The following CAPS2 variants were observed in gnomAD, a reference collection of about 807,000 sequenced individuals.
CAPS2 encodes the protein calcyphosin-2.
A neutral mutation model predicts 86.5 loss-of-function variants in CAPS2; 98 were observed. The observed-to-expected ratio is 1.13, with a 90% CI of 0.96 to 1.34. The LOEUF (loss-of-function observed/expected upper bound fraction) is 1.34, where lower values mean the gene tolerates loss of function less well. Ranked by LOEUF, CAPS2 falls within the 40% of genes most tolerant of loss-of-function variation. CAPS2 has a pLI of 0.00. For missense variants in CAPS2, 729 were observed against 686.8 expected (o/e 1.06, Z -0.69); for synonymous variants, 210 against 225.1 (o/e 0.93, Z 0.60).
chr12:75,363,202 T>C (rs201262739), intron 1 of CAPS2: 1 of 1,120,980 alleles, frequency 8.9e-7, no homozygotes, highest in South Asian at 2.0e-5. Flanking sequence ...TAAGCAAAAA[T>C]ATATATATAT....
At chr12:75,301,469 C>A (rs2037808349) in intron 8 of CAPS2, among the ~76,000 whole-genome samples, 1 of 152,172 alleles carries the variant, frequency 6.6e-6, no homozygotes, top group Admixed American at 6.5e-5. Flanking sequence ...ATTCTAAATG[C>A]TGAGACAATA....
intron 7 of CAPS2, chr12:75,305,594 C>T: frequency 1.6e-6 from 1 of 625,598 alleles, no homozygotes; most frequent in South Asian, 1.4e-5. Flanking sequence ...GACCCGACCA[C>T]TGCCCCAGGC....
At chr12:75,342,757 T>C (rs753970162) in intron 1 of CAPS2, among the ~76,000 whole-genome samples, 2 of 152,172 alleles carry the variant, frequency 1.3e-5, no homozygotes, top group Non-Finnish European at 2.9e-5. Flanking sequence ...AAATTATATG[T>C]CATAATCAAT....
chr12:75,299,798 TA>T, intron 9 of CAPS2, 38 bp downstream of exon 9: 1 of 988,246 alleles, frequency 1.0e-6, no homozygotes, highest in South Asian at 1.6e-5. Flanking sequence ...TACGTTTTTA[TA>T]ATCATAGGAT....
chr12:75,304,747 ATCT>A lies in CAPS2; in HGVS notation c.779+7_779+9del. ...TGCATCCTCATTTTATGTAATTAAA[ATCT>A]TCTTACTTTGTTTCATGTAGTGTTC... is the stretch of plus-strand genomic sequence containing the variant. On this transcript the variant is annotated splice_region_variant and intron_variant, in intron 8 of 16. Coordinates refer to ENST00000393284, the Ensembl canonical transcript of CAPS2. 6.4e-7 allele frequency: 1 copy of A among 1,562,818 alleles called. No homozygotes were observed. The highest frequency in any genetic ancestry group is 1.8e-5 in the Admixed American group (1 of 56,028).
intron 1 of CAPS2, among the ~76,000 whole-genome samples, chr12:75,365,680 A>C (rs886155951): frequency 1.3e-5 from 2 of 152,276 alleles, no homozygotes; most frequent in Middle Eastern, 3.4e-3. Context: ...ATTCTATTAC[A>C]TTTACCTCAT....
upstream of CAPS2, among the ~76,000 whole-genome samples, chr12:75,326,918 CAT>C (rs1342660534): frequency 6.6e-6 from 1 of 152,012 alleles, no homozygotes; most frequent in Non-Finnish European, 1.5e-5. Flanking sequence ...AGGATGGAAG[CAT>C]AGGTCAGAGA....
chr12:75,329,860 C>A (rs1185895140), upstream of CAPS2: 1 of 1,543,760 alleles, frequency 6.5e-7, no homozygotes, highest in Non-Finnish European at 8.8e-7. Context: ...AATTCCCCAT[C>A]CCCTACCTAA....
intron 1 of CAPS2, among the ~76,000 whole-genome samples, chr12:75,341,597 C>T (rs1221220589): frequency 6.6e-6 from 1 of 151,892 alleles, no homozygotes; most frequent in South Asian, 2.1e-4. Flanking sequence ...CAGGCGCCCG[C>T]CACCACGCCC....
At chr12:75,320,100 T>C (rs2040158363) in intron 5 of CAPS2, among the ~76,000 whole-genome samples, 1 of 152,104 alleles carries the variant, frequency 6.6e-6, no homozygotes, top group African/African-American at 2.4e-5. Context: ...AGTGGCAAAA[T>C]AGCATATTTT....
chr12:75,293,511 T>G (rs1287431198), intron 11 of CAPS2, 144 bp from the exon 12 acceptor site: 4 of 636,668 alleles, frequency 6.3e-6, no homozygotes, highest in Non-Finnish European at 8.1e-6. Flanking sequence ...AATGCTTATA[T>G]GTATTTGGAG....
At chr12:75,321,345 A>G in intron 5 of CAPS2, 55 bp downstream of exon 5, 1 of 1,090,076 alleles carries the variant, frequency 9.2e-7, no homozygotes, top group Non-Finnish European at 1.3e-6. Context: ...GATTTCTGTA[A>G]TATGTGCAGT....
rs146239892 is a variant in CAPS2 at position 75,278,607 on chromosome 12, G to C, written c.*283C>G. ...ATAAAAAATGACCTCTAAAATATAC[G>C]CAAGATAAGTAATAAACCAAAAAGA... On this transcript the variant is annotated 3_prime_UTR_variant, in exon 17 of 17. Transcript: ENST00000393284. 7 of 1,073,662 alleles carry C rather than the reference G, an allele frequency of 6.5e-6. No individual in the cohort carries two copies. The Admixed American group carries it at 3.7e-4, about 56-fold the overall frequency. The allele number at this position is 1,073,662 out of a possible 1,614,324, so 66.5% of individuals were successfully genotyped here. A position where few individuals can be genotyped will look rare whatever the true frequency, so the allele number is the denominator to read the frequency against.
rs539985535 is a variant in CAPS2, at chr12:75,278,833, T to C, written c.*57A>G. The stretch of plus-strand genomic sequence containing the variant: ...TTCCAGTGTTTGATCATCCTTTACA[T>C]TGATATCATCTCTCCAATAAAATGC... On this transcript the variant is annotated 3_prime_UTR_variant, in exon 17 of 17. Transcript: ENST00000393284. The C allele has an allele frequency of 1.1e-4, 158 of 1,381,190 alleles. No individual in the cohort carries two copies. The East Asian group carries it at 2.4e-3, about 21-fold the overall frequency. 85.6% of individuals were successfully genotyped at this position (1,381,190 alleles called of 1,614,324 possible).
At chr12:75,336,509 A>G (rs931880441) in intron 1 of CAPS2, among the ~76,000 whole-genome samples, 2 of 151,862 alleles carry the variant, frequency 1.3e-5, no homozygotes, top group African/African-American at 4.8e-5. Context: ...TAGAATAGCT[A>G]TATTTATGGC....
chr12:75,369,960 G>A, intron 1 of CAPS2: 16 of 1,090,918 alleles, frequency 1.5e-5, no homozygotes, highest in Non-Finnish European at 2.1e-5. Flanking sequence ...TTTACTTTAG[G>A]GACTCCACAA....
intron 1 of CAPS2, chr12:75,390,394 G>T (rs1451067278): frequency 2.2e-6 from 1 of 456,128 alleles, no homozygotes; most frequent in Non-Finnish European, 4.4e-6. Flanking sequence ...GATGAGAGAA[G>T]AAGTAGAAAT....
intron 15 of CAPS2, among the ~76,000 whole-genome samples, chr12:75,284,754 T>C (rs545277930): frequency 7.9e-5 from 12 of 152,232 alleles, no homozygotes; most frequent in African/African-American, 2.6e-4. Context: ...TTTCCTTTCA[T>C]AGTATTTTTC....
rs578078083 is a variant in CAPS2, at chr12:75,302,298, G to A, written c.780-2387C>T. 8.5e-4 allele frequency among the ~76,000 whole-genome samples: 130 copies of A among 152,200 alleles called. 1 individual carries two copies. Among genetic ancestry groups the A allele is most frequent in the African/African-American group, 2.8e-3 (118 of 41,536 alleles). ...CTGTAGGTATTTACTCTAATACAAC[G>A]CAATACTAATTAAGATAGGATAATA... On this transcript the variant is annotated intron_variant, in intron 8 of 16. Transcript: ENST00000393284.
Sources: allele counts gnomAD v4.1 joint callset (sites outside exome capture counted in the v4.1 genomes callset), GRCh38; gene constraint gnomAD v4.1.1; transcripts MANE v1.5; gene names NCBI Gene and HGNC (gene_info 2026-07-23, HGNC 2026-07-21).